Variants in FIG4 observed in about 807,000 individuals in gnomAD.
The protein encoded by FIG4 is polyphosphoinositide phosphatase.
A neutral mutation model predicts 118.6 loss-of-function variants in FIG4; 112 were observed. That is an observed-to-expected ratio of 0.94 (90% CI 0.81 to 1.11). FIG4 has a LOEUF of 1.11. FIG4 is among the 50% of genes least tolerant of loss of function. FIG4 has a pLI of 0.00. For synonymous variants in FIG4, 369 were observed against 381.2 expected (o/e 0.97, Z 0.37); for missense variants, 969 against 1,111.7 (o/e 0.87, Z 1.83).
intron 1 of FIG4, among the ~76,000 whole-genome samples, chr6:109,691,830 T>C (rs995579805): frequency 2.0e-5 from 3 of 152,198 alleles, no homozygotes; most frequent in Non-Finnish European, 4.4e-5. Flanking sequence ...TTTCAGAAAG[T>C]CTGTTAAAGT....
intron 1 of FIG4, among the ~76,000 whole-genome samples, chr6:109,700,975 T>C (rs1219428570): frequency 1.3e-5 from 2 of 152,162 alleles, no homozygotes; most frequent in African/African-American, 4.8e-5. Flanking sequence ...TAATTAGTTA[T>C]AAAGGAATTA....
chr6:109,803,819 C>A (rs1778493007), intron 22 of FIG4, among the ~76,000 whole-genome samples: 1 of 142,732 alleles, frequency 7.0e-6, no homozygotes, highest in Non-Finnish European at 1.5e-5. Flanking sequence ...CTTCCTGTGT[C>A]CAAGTGTTCT....
chr6:109,815,862 T>TG lies in FIG4; in HGVS notation c.2547-9217dup, dbSNP rs759753439. ...GTGTTCCTAGAGCATGTTTAGATTA[T>TG]GGGGGGGGGCACTCAGTTTTCATTT... On this transcript the variant is annotated intron_variant, in intron 22 of 22. Transcript: ENST00000230124. Among the ~76,000 whole-genome samples, 777 of 150,194 alleles carry TG rather than the reference T, an allele frequency of 5.2e-3. 4 individuals carry two copies. The highest frequency in any genetic ancestry group is 0.024 in the Middle Eastern group (7 of 294).
chr6:109,789,394 C>T (rs1778073669), intron 18 of FIG4, among the ~76,000 whole-genome samples, 200 bp from the exon 19 acceptor site: 1 of 151,982 alleles, frequency 6.6e-6, no homozygotes, highest in Non-Finnish European at 1.5e-5. Context: ...ATAGAGAATT[C>T]ACAATTAAGA....
At chr6:109,743,501 A>G in intron 9 of FIG4, 174 bp from the exon 10 acceptor site, 1 of 668,424 alleles carries the variant, frequency 1.5e-6, no homozygotes, top group Non-Finnish European at 2.6e-6. Flanking sequence ...AATCATTCAA[A>G]TGTAATAAAT....
At chr6:109,816,551 G>A (rs951340586) in intron 22 of FIG4, among the ~76,000 whole-genome samples, 4 of 152,166 alleles carry the variant, frequency 2.6e-5, no homozygotes, top group Non-Finnish European at 4.4e-5. Context: ...CAAATGTACC[G>A]TACTAATGGA....
chr6:109,765,530 T>G (rs904938067), intron 14 of FIG4, among the ~76,000 whole-genome samples: 1 of 152,208 alleles, frequency 6.6e-6, no homozygotes, highest in Admixed American at 6.5e-5. Context: ...ATTTGTGTAT[T>G]CTTGCCATGG....
rs976912612 is a variant in FIG4 at position 109,742,481 on chromosome 6, C to T, written c.877-629C>T. Among the ~76,000 whole-genome samples, 16 of 152,088 alleles carry T rather than the reference C, an allele frequency of 1.1e-4. 1 individual carries two copies. Among genetic ancestry groups the T allele is most frequent in the Admixed American group, 1.0e-3 (16 of 15,246 alleles). On this transcript the variant is annotated intron_variant, in intron 8 of 22. Coordinates refer to ENST00000230124, the MANE Select transcript of FIG4 (RefSeq NM_014845.6). ...ATTGAGTGAGGCACTGGGTTTTGAT[C>T]CTGGCTTAAAATAGCAACATTGTTC...
rs1330113175 is a variant in FIG4, at chr6:109,766,717, T to G, written c.1584-12T>G. 1 of 1,612,422 alleles carries G rather than the reference T, an allele frequency of 6.2e-7. No homozygotes were observed. The highest frequency in any genetic ancestry group is 1.1e-5 in the South Asian group (1 of 91,042). ...TTGGTGAAATTCTTTAATCGGGTTTTTCTTTTTTTAGGTTATTTGAGGAAC... is the reference window on the plus strand; with the variant it reads ...TTGGTGAAATTCTTTAATCGGGTTTGTCTTTTTTTAGGTTATTTGAGGAAC... On this transcript the variant is annotated splice_polypyrimidine_tract_variant and intron_variant, in intron 14 of 22. Coordinates refer to ENST00000230124, the MANE Select transcript of FIG4 (RefSeq NM_014845.6).
intron 22 of FIG4, among the ~76,000 whole-genome samples, chr6:109,818,814 C>T (rs139070511): frequency 0.011 from 1,715 of 152,264 alleles, 27 homozygotes; most frequent in Non-Finnish European, 0.017. Flanking sequence ...CCATATGACC[C>T]AGTTTCAAAT....
At chr6:109,736,018 T>G (rs1776149870) in intron 6 of FIG4, among the ~76,000 whole-genome samples, 1 of 151,948 alleles carries the variant, frequency 6.6e-6, no homozygotes, top group South Asian at 2.1e-4. Context: ...TATCGCCAAA[T>G]TTTTGGGTTG....
In FIG4 at chr6:109,716,921, G is replaced by A. The variant is rs114318596; in HGVS notation, c.289+353G>A. Among the ~76,000 whole-genome samples the A allele has an allele frequency of 3.9e-3, 596 of 151,758 alleles. 4 individuals are homozygous for A. The highest frequency in any genetic ancestry group is 0.014 in the African/African-American group (580 of 41,370). On this transcript the variant is annotated intron_variant, in intron 3 of 22. Coordinates refer to ENST00000230124, the MANE Select transcript of FIG4 (RefSeq NM_014845.6). ...TTCGTCAGCTGGAGTAACAAATCAC[G>A]TAAAACTGGATTTAAAATTAATAGG... is the stretch of plus-strand genomic sequence containing the variant.
intron 11 of FIG4, 31 bp downstream of exon 11, chr6:109,760,414 C>A: frequency 3.8e-6 from 6 of 1,592,620 alleles, no homozygotes; most frequent in Non-Finnish European, 5.2e-6. Flanking sequence ...TGGCTATGAT[C>A]GTTTCCTTTT....
intron 1 of FIG4, among the ~76,000 whole-genome samples, chr6:109,695,538 T>G (rs547935260): frequency 2.6e-4 from 39 of 151,934 alleles, no homozygotes; most frequent in African/African-American, 8.9e-4. Context: ...CAGATACTGT[T>G]CTTTAGCTTT....
At chr6:109,796,914 T>C in intron 22 of FIG4, 63 bp downstream of exon 22, 5 of 965,600 alleles carry the variant, frequency 5.2e-6, no homozygotes, top group Non-Finnish European at 8.5e-6. Context: ...GGGCTTTCTT[T>C]AAAGACTTTT....
chr6:109,751,916 C>T (rs1429000387), intron 10 of FIG4, among the ~76,000 whole-genome samples: 3 of 148,942 alleles, frequency 2.0e-5, no homozygotes, highest in African/African-American at 5.0e-5. Flanking sequence ...TATACATGTG[C>T]CATGCTGGTG....
intron 7 of FIG4, among the ~76,000 whole-genome samples, chr6:109,740,288 G>A (rs1776284172): frequency 1.3e-5 from 2 of 152,244 alleles, no homozygotes; most frequent in African/African-American, 4.8e-5. Flanking sequence ...TGAGCACCAT[G>A]ATAGATGATC....
chr6:109,768,963 G>T (rs182034474), intron 15 of FIG4, among the ~76,000 whole-genome samples: 1 of 152,134 alleles, frequency 6.6e-6, no homozygotes, highest in Admixed American at 6.5e-5. Context: ...AATCCTCATC[G>T]GCTACTTCTG....
chr6:109,745,430 T>C (rs879565127), intron 10 of FIG4, among the ~76,000 whole-genome samples: 9 of 152,172 alleles, frequency 5.9e-5, no homozygotes, highest in Non-Finnish European at 1.3e-4. Flanking sequence ...GTTGGCCACA[T>C]ATAAATGTCT....
Sources: allele counts gnomAD v4.1 joint callset (sites outside exome capture counted in the v4.1 genomes callset), GRCh38; gene constraint gnomAD v4.1.1; transcripts MANE v1.5; gene names NCBI Gene and HGNC (gene_info 2026-07-23, HGNC 2026-07-21).